The following DNAH12 variants were observed in gnomAD, a reference collection of about 807,000 sequenced individuals.
DNAH12 encodes the protein dynein axonemal heavy chain 12, also known as axonemal beta dynein heavy chain 12.
A neutral mutation model predicts 371.5 loss-of-function variants in DNAH12; 285 were observed. That is an observed-to-expected ratio of 0.77 (90% CI 0.70 to 0.85). DNAH12 has a LOEUF of 0.85. DNAH12 is among the 40% of genes least tolerant of loss of function. DNAH12 has a pLI of 0.00. For missense variants in DNAH12, 3,611 were observed against 3,689.4 expected, an observed-to-expected ratio of 0.98 and a Z score of 0.55; for synonymous variants, 1,200 against 1,213.0, an observed-to-expected ratio of 0.99 and a Z score of 0.22.
At chr3:57,350,700 G>A (rs1397204744) in intron 60 of DNAH12, among the ~76,000 whole-genome samples, 3 of 152,160 alleles carry the variant, frequency 2.0e-5, no homozygotes, top group African/African-American at 4.8e-5. Flanking sequence ...AGCATTAAGA[G>A]AAAGAAAAAG....
chr3:57,420,974 C>G (rs1435358126), intron 36 of DNAH12, among the ~76,000 whole-genome samples: 3 of 148,250 alleles, frequency 2.0e-5, no homozygotes, highest in Non-Finnish European at 4.5e-5. Flanking sequence ...TCTTTTTTCA[C>G]TTTTAGAGAT....
chr3:57,398,176 T>G (rs1448378379), intron 43 of DNAH12, among the ~76,000 whole-genome samples: 1 of 152,182 alleles, frequency 6.6e-6, no homozygotes, highest in African/African-American at 2.4e-5. Flanking sequence ...TAGACTTGAT[T>G]GGGCAGAATC....
At chr3:57,308,651 C>T (rs898436380) in intron 69 of DNAH12, among the ~76,000 whole-genome samples, 1 of 152,154 alleles carries the variant, frequency 6.6e-6, no homozygotes, top group Admixed American at 6.5e-5. Context: ...CCGGTTTACA[C>T]TGTTTTCCAA....
intron 62 of DNAH12, among the ~76,000 whole-genome samples, chr3:57,329,506 C>G (rs1157273595): frequency 2.2e-5 from 3 of 133,536 alleles, no homozygotes; most frequent in African/African-American, 9.2e-5. Flanking sequence ...ACTGGCTAGC[C>G]ATATGTAGAA....
In DNAH12 at chr3:57,489,978, G is replaced by T. The variant is rs897088780; in HGVS notation, c.1336-291C>A. ...TAATTATTTTTTAAAATTATCCCCA[G>T]AGTCAACCCATTTCTCTGTTTAGAA... On this transcript the variant is annotated intron_variant, in intron 11 of 73. Transcript: ENST00000495027. Among the ~76,000 whole-genome samples, 5 of 152,088 alleles carry T rather than the reference G, an allele frequency of 3.3e-5. No individual in the cohort carries two copies. The East Asian group carries it at 9.6e-4, about 29-fold the overall frequency.
intron 43 of DNAH12, among the ~76,000 whole-genome samples, chr3:57,398,895 T>C (rs1428281702): frequency 6.6e-6 from 1 of 152,202 alleles, no homozygotes; most frequent in South Asian, 2.1e-4. Flanking sequence ...TGTGGAGAAA[T>C]AGAGAATCCT....
chr3:57,448,688 G>A (rs1466303447), intron 25 of DNAH12, among the ~76,000 whole-genome samples: 2 of 152,074 alleles, frequency 1.3e-5, no homozygotes, highest in Non-Finnish European at 2.9e-5. Flanking sequence ...CTGATTGGTA[G>A]AGCGAGTGGC....
chr3:57,511,008 C>T (rs754409472), intron 4 of DNAH12, 29 bp from the exon 5 acceptor site: 3 of 1,537,802 alleles, frequency 2.0e-6, no homozygotes, highest in African/African-American at 1.4e-5. Flanking sequence ...ATTAAATGTT[C>T]TGCATGGTTG....
intron 55 of DNAH12, among the ~76,000 whole-genome samples, chr3:57,369,799 C>T (rs2063131926): frequency 6.6e-6 from 1 of 152,126 alleles, no homozygotes; most frequent in African/African-American, 2.4e-5. Context: ...AGTGTTCATT[C>T]TCTCACAAAA....
At chr3:57,549,685 G>T in the DNAH12 span, among the ~76,000 whole-genome samples, 1 of 151,926 alleles carries the variant, frequency 6.6e-6, no homozygotes, top group East Asian at 2.0e-4. Context: ...GTGCAATGGC[G>T]CAATCTCAGC....
chr3:57,417,464 C>G (rs1477768954), intron 37 of DNAH12, among the ~76,000 whole-genome samples: 1 of 152,094 alleles, frequency 6.6e-6, no homozygotes, highest in Non-Finnish European at 1.5e-5. Context: ...AACATTAGCT[C>G]TATGAAAATT....
chr3:57,466,989 G>A (rs142579159), intron 17 of DNAH12, among the ~76,000 whole-genome samples: 3,660 of 151,762 alleles, frequency 0.024, 67 homozygotes, highest in Non-Finnish European at 0.034. Context: ...TTCTGGCCTC[G>A]AATGATCCTC....
intron 6 of DNAH12, 149 bp downstream of exon 6, chr3:57,508,991 C>T (rs2067881807): frequency 7.3e-6 from 5 of 684,680 alleles, no homozygotes; most frequent in East Asian, 2.7e-5. Context: ...AGAGAGAATA[C>T]CTCTGAGGTA....
chr3:57,358,266 G>C (rs952585056), intron 58 of DNAH12, among the ~76,000 whole-genome samples: 1 of 152,180 alleles, frequency 6.6e-6, no homozygotes, highest in Non-Finnish European at 1.5e-5. Context: ...GGAGTAAAAG[G>C]TAGTGGGACT....
chr3:57,353,202 T>C (rs2062722967), intron 59 of DNAH12, among the ~76,000 whole-genome samples: 1 of 152,238 alleles, frequency 6.6e-6, no homozygotes, highest in Non-Finnish European at 1.5e-5. Flanking sequence ...ACAATAAGCA[T>C]ATATGGCTTT....
intron 32 of DNAH12, among the ~76,000 whole-genome samples, chr3:57,431,955 C>T (rs1428558254): frequency 6.6e-6 from 1 of 152,182 alleles, no homozygotes; most frequent in East Asian, 1.9e-4. Flanking sequence ...AATCCATACA[C>T]TCACCTATAG....
chr3:57,387,832 G>A (rs2063527273), intron 45 of DNAH12, among the ~76,000 whole-genome samples: 1 of 152,112 alleles, frequency 6.6e-6, no homozygotes, highest in African/African-American at 2.4e-5. Flanking sequence ...CAGGTCATAA[G>A]TTACTTTGAG....
At chr3:57,523,461 A>G in intron 4 of DNAH12, 122 bp downstream of exon 4, 1 of 756,760 alleles carries the variant, frequency 1.3e-6, no homozygotes, top group Non-Finnish European at 2.0e-6. Flanking sequence ...GAAAATAAAA[A>G]CCTCAGTTTC....
At chr3:57,507,186 A>T (rs2067795051) in intron 8 of DNAH12, among the ~76,000 whole-genome samples, 1 of 152,162 alleles carries the variant, frequency 6.6e-6, no homozygotes, top group African/African-American at 2.4e-5. Context: ...ATTTCATAAA[A>T]TTAAAAATTC....
Sources: gnomAD v4.1 joint callset for allele counts (sites outside exome capture counted in the v4.1 genomes callset) on GRCh38, gnomAD v4.1.1 for gene constraint, MANE v1.5 for transcripts, NCBI Gene and HGNC (gene_info 2026-07-23, HGNC 2026-07-21) for gene names.